CCDC191: variants seen among roughly 807,000 people sequenced by gnomAD.
The protein encoded by CCDC191 is coiled-coil domain containing 191, also known as coiled-coil domain-containing protein 191.
In CCDC191, 99 loss-of-function variants were observed where a neutral mutation model predicts 114.0. The observed-to-expected ratio is 0.87, with a 90% confidence interval of 0.74 to 1.03. The LOEUF is 1.03. Among genes scored for constraint, CCDC191 ranks in the 50% least tolerant of loss-of-function variants. The probability of loss-of-function intolerance (pLI) is 0.00; values close to 1 mark genes in which losing one functional copy is unlikely to be tolerated. For missense variants in CCDC191, 973 were observed against 1,087.0 expected, an observed-to-expected ratio of 0.90 and a Z score of 1.47; for synonymous variants, 351 against 376.0, an observed-to-expected ratio of 0.93 and a Z score of 0.77.
At chr3:114,000,305 C>A (rs977196143) in intron 13 of CCDC191, among the ~76,000 whole-genome samples, 5 of 152,046 alleles carry the variant, frequency 3.3e-5, no homozygotes, top group Non-Finnish European at 7.4e-5. Context: ...TTGCTTCCTG[C>A]CTCCCATCTG....
intron 1 of CCDC191, among the ~76,000 whole-genome samples, chr3:114,053,845 T>C (rs776267744): frequency 1.3e-5 from 2 of 152,208 alleles, no homozygotes; most frequent in Non-Finnish European, 2.9e-5. Context: ...ACACTGATTG[T>C]TTTTATTTCT....
chr3:114,056,303 G>C, intron 1 of CCDC191, 74 bp downstream of exon 1: 1 of 1,435,448 alleles, frequency 7.0e-7, no homozygotes, highest in Non-Finnish European at 9.8e-7. Flanking sequence ...AGCACAGACG[G>C]GCCGCGACTG....
Position 114,024,774 on chromosome 3 carries a change from A to C in CCDC191, c.973-5906T>G, listed in dbSNP as rs1289039315. Among the ~76,000 whole-genome samples, 3 of 152,190 alleles carry C rather than the reference A, an allele frequency of 2.0e-5. No individual in the cohort carries two copies. In the East Asian group the frequency reaches 5.8e-4, roughly 29 times the overall value. On this transcript the variant is annotated intron_variant, in intron 7 of 16. Transcript: ENST00000295878. The stretch of plus-strand genomic sequence containing the variant: ...TAAATGACAAGTTAATGGGTGCGGC[A>C]CACCAACATGGCACATATATACACA...
At chr3:113,990,266 C>A (rs531391054) in intron 13 of CCDC191, among the ~76,000 whole-genome samples, 208 of 152,174 alleles carry the variant, frequency 1.4e-3, no homozygotes, top group African/African-American at 4.8e-3. Flanking sequence ...GACATCAATA[C>A]TGATCTCATA....
intron 16 of CCDC191, among the ~76,000 whole-genome samples, chr3:113,970,272 A>C (rs1267676104): frequency 2.0e-5 from 3 of 152,066 alleles, no homozygotes; most frequent in African/African-American, 7.2e-5. Context: ...AGGTTTTTCT[A>C]AGTATAAGAG....
upstream of CCDC191, chr3:114,056,611 G>A (rs144883187): frequency 5.3e-5 from 83 of 1,570,128 alleles, no homozygotes; most frequent in East Asian, 1.8e-3. Context: ...ACTCCCACGA[G>A]GCTCTGCGCA....
intron 13 of CCDC191, among the ~76,000 whole-genome samples, chr3:113,997,853 C>T (rs1347287666): frequency 6.6e-6 from 1 of 152,058 alleles, no homozygotes; most frequent in East Asian, 1.9e-4. Context: ...TTCATAGTGC[C>T]ACACATTACT....
chr3:114,018,260 C>A (rs996422172), intron 8 of CCDC191, among the ~76,000 whole-genome samples: 28 of 152,144 alleles, frequency 1.8e-4, no homozygotes, highest in Non-Finnish European at 4.1e-4. Flanking sequence ...TGCTACTACA[C>A]CAGAACACAA....
chr3:114,047,137 C>T, intron 2 of CCDC191: 1 of 982,890 alleles, frequency 1.0e-6, no homozygotes, highest in Non-Finnish European at 1.2e-6. Context: ...AGTAACCACA[C>T]TTCAGCAAAT....
At chr3:114,016,857 A>G (rs1268662499) in intron 8 of CCDC191, among the ~76,000 whole-genome samples, 1 of 152,158 alleles carries the variant, frequency 6.6e-6, no homozygotes, top group Non-Finnish European at 1.5e-5. Flanking sequence ...CTGCACTCAC[A>G]TTGCATCCAC....
intron 9 of CCDC191, 137 bp downstream of exon 9, chr3:114,010,635 T>G: frequency 2.8e-6 from 2 of 720,140 alleles, no homozygotes; most frequent in Non-Finnish European, 4.5e-6. Context: ...AAATAAACAC[T>G]GCCTGAAAGG....
chr3:114,004,629 A>G lies in CCDC191; in HGVS notation c.1978+8T>C. ...CAACCACCAAGGCCACCACCGAGAC[A>G]GCCCTGCCTTTTAGTATGGGATGCG... is the stretch of plus-strand genomic sequence containing the variant. On this transcript the variant is annotated splice_region_variant and intron_variant, in intron 11 of 16. Transcript: ENST00000295878. 1.2e-6 allele frequency: 2 copies of G among 1,611,602 alleles called. No homozygotes were observed. The highest frequency in any genetic ancestry group is 1.7e-6 in the Non-Finnish European group (2 of 1,178,552).
At chr3:114,003,273 G>A in intron 11 of CCDC191, 1 of 985,398 alleles carries the variant, frequency 1.0e-6, no homozygotes, top group Non-Finnish European at 1.2e-6. Context: ...GGAGTATCAA[G>A]TTCTGCTCAC....
chr3:114,013,525 T>C (rs936389897), intron 8 of CCDC191, among the ~76,000 whole-genome samples: 2 of 152,244 alleles, frequency 1.3e-5, no homozygotes, highest in African/African-American at 4.8e-5. Context: ...TACTTTGGTA[T>C]GCTCACCTAA....
chr3:113,968,623 TTTG>T (rs1940471656), intron 16 of CCDC191, among the ~76,000 whole-genome samples: 1 of 148,050 alleles, frequency 6.8e-6, no homozygotes, highest in African/African-American at 2.5e-5. Context: ...CTAATAGTTT[TTTG>T]TTTTTTTTTT....
intron 3 of CCDC191, among the ~76,000 whole-genome samples, chr3:114,043,805 T>A (rs2076594755): frequency 1.3e-5 from 2 of 152,100 alleles, no homozygotes; most frequent in African/African-American, 4.8e-5. Context: ...AGTGGAGGTA[T>A]TAACAATGGT....
In CCDC191 at chr3:114,001,617, TC is replaced by T. The variant is rs2075857722; in HGVS notation, c.2140del (p.Glu714LysfsTer5). On this transcript the variant is annotated frameshift_variant, in exon 13 of 17. Coordinates refer to ENST00000295878, the MANE Select transcript of CCDC191 (RefSeq NM_020817.2). LOFTEE classifies it high-confidence loss of function. ...EKEAQLERKREEKRLKKMKEL... is the reference protein window; with the variant it reads ...EKEAQLERKRXEKRLKKMKEL... ...AACCATTTTCTTCAGTCTCTTCTCT[TC>T]TCGTTTTCTTTCAAGCTGTGCCTCC... The T allele has an allele frequency of 2.5e-6, 4 of 1,613,742 alleles. No individual in the cohort carries two copies. Among genetic ancestry groups the T allele is most frequent in the African/African-American group, 1.3e-5 (1 of 74,892 alleles).
rs779771225 is a variant in CCDC191, at chr3:113,965,215, G to A, written c.2751C>T (p.His917=). 1.4e-5 allele frequency: 22 copies of A among 1,611,406 alleles called. No individual in the cohort carries two copies. Among genetic ancestry groups the A allele is most frequent in the Middle Eastern group, 1.6e-4 (1 of 6,076 alleles). The change falls in exon 17 of 17, where the codon CAC becomes CAT. Residue 917 remains histidine (H), a synonymous_variant. Coordinates refer to ENST00000295878, the MANE Select transcript of CCDC191 (RefSeq NM_020817.2). The part of the protein sequence containing the change: ...LPDFQVPGRY[H]ELYQQSDTWS... The stretch of plus-strand genomic sequence containing the variant: ...AAGTATCTGATTGCTGATATAGCTC[G>A]TGGTACCTTCCAGGTACCTGGAAGT...
intron 16 of CCDC191, among the ~76,000 whole-genome samples, chr3:113,966,146 G>C (rs968778009): frequency 6.6e-6 from 1 of 152,126 alleles, no homozygotes; most frequent in African/African-American, 2.4e-5. Flanking sequence ...GCCTCAGTGC[G>C]TAGACATATT....
Sources: gnomAD v4.1 joint callset for allele counts (sites outside exome capture counted in the v4.1 genomes callset) on GRCh38, gnomAD v4.1.1 for gene constraint, MANE v1.5 for transcripts, NCBI Gene and HGNC (gene_info 2026-07-23, HGNC 2026-07-21) for gene names.